The following NRXN3 variants were observed in gnomAD, a reference collection of about 807,000 sequenced individuals.
NRXN3 encodes the protein neurexin 3.
NRXN3 carries 32 observed loss-of-function variants against 137.6 expected under a neutral mutation model. That is an observed-to-expected ratio of 0.23 (90% CI 0.18 to 0.31). The LOEUF is 0.31. NRXN3 is among the 10% of genes least tolerant of loss of function. The probability of loss-of-function intolerance (pLI) is 1.00; values close to 1 mark genes in which losing one functional copy is unlikely to be tolerated. For synonymous variants in NRXN3, 798 were observed against 784.5 expected (o/e 1.02, Z -0.29); for missense variants, 1,574 against 2,062.5 (o/e 0.76, Z 4.59).
At chr14:79,084,305 G>T (rs373978195) in intron 15 of NRXN3, among the ~76,000 whole-genome samples, 2 of 152,026 alleles carry the variant, frequency 1.3e-5, no homozygotes, top group African/African-American at 4.8e-5. Context: ...AAAATTCATA[G>T]AACTATACAC....
chr14:78,297,668 G>A (rs2076481369), intron 3 of NRXN3, among the ~76,000 whole-genome samples, 163 bp from the exon 4 acceptor site: 1 of 152,216 alleles, frequency 6.6e-6, no homozygotes, highest in Non-Finnish European at 1.5e-5. Flanking sequence ...CAGGGTATGT[G>A]CATGTGGAGT....
intron 19 of NRXN3, among the ~76,000 whole-genome samples, chr14:79,721,854 C>T (rs573200852): frequency 6.6e-6 from 1 of 152,174 alleles, no homozygotes; most frequent in East Asian, 1.9e-4. Context: ...AGCATGAAGT[C>T]TCTAATAGTT....
chr14:79,630,988 T>C (rs1274441067), intron 16 of NRXN3, among the ~76,000 whole-genome samples: 1 of 152,228 alleles, frequency 6.6e-6, no homozygotes, highest in Non-Finnish European at 1.5e-5. Context: ...GGTAGAAGTT[T>C]TTTTTACAGC....
chr14:78,412,458 G>A (rs182392526), intron 4 of NRXN3, among the ~76,000 whole-genome samples: 51 of 152,252 alleles, frequency 3.3e-4, no homozygotes, highest in Middle Eastern at 3.4e-3. Flanking sequence ...TGATTGATAC[G>A]CACATTGTTT....
At position 79,531,840 on chromosome 14, in the gene NRXN3, C is replaced by G. The variant is rs374250436; in HGVS notation, c.3444+64438C>G. On this transcript the variant is annotated intron_variant, in intron 16 of 20. Coordinates refer to ENST00000335750, the MANE Select transcript of NRXN3 (RefSeq NM_001330195.2). ...CTCTGTTGGCTTGAGATTTAATTTG[C>G]TAAGAGAAAAGCAACTGAAGTTACT... 5.9e-5 allele frequency among the ~76,000 whole-genome samples: 9 copies of G among 152,148 alleles called. 1 individual carries two copies. In the East Asian group the frequency reaches 9.6e-4, roughly 16 times the overall value.
intron 4 of NRXN3, among the ~76,000 whole-genome samples, chr14:78,449,066 T>A (rs2094490674): frequency 6.6e-6 from 1 of 152,196 alleles, no homozygotes; most frequent in Admixed American, 6.5e-5. Flanking sequence ...AACAAATTAC[T>A]TTTTAGTACA....
At chr14:78,993,772 G>A (rs1251407153) in intron 15 of NRXN3, among the ~76,000 whole-genome samples, 2 of 151,260 alleles carry the variant, frequency 1.3e-5, no homozygotes, top group East Asian at 3.9e-4. Context: ...CTGTCCCCAG[G>A]GTTGAGACTC....
intron 2 of NRXN3, among the ~76,000 whole-genome samples, chr14:78,273,200 G>A (rs925599580): frequency 6.6e-6 from 1 of 152,162 alleles, no homozygotes; most frequent in African/African-American, 2.4e-5. Flanking sequence ...GACAGAAAGG[G>A]GAATCCACAG....
intron 16 of NRXN3, among the ~76,000 whole-genome samples, chr14:79,536,558 C>T (rs555667039): frequency 6.6e-6 from 1 of 151,956 alleles, no homozygotes; most frequent in South Asian, 2.1e-4. Flanking sequence ...ATCAACCCAT[C>T]ACCTAAGTAT....
intron 3 of NRXN3, among the ~76,000 whole-genome samples, chr14:78,287,422 A>G (rs975038931): frequency 1.3e-5 from 2 of 152,212 alleles, no homozygotes; most frequent in Non-Finnish European, 2.9e-5. Context: ...TTATCCATGC[A>G]TGTATCCCCA....
intron 20 of NRXN3, among the ~76,000 whole-genome samples, chr14:79,816,864 T>A (rs1233532827): frequency 6.6e-6 from 1 of 152,204 alleles, no homozygotes; most frequent in African/African-American, 2.4e-5. Context: ...AGAAAGCAAC[T>A]GCAGTTTTTA....
At chr14:79,776,791 A>G (rs996586419) in intron 19 of NRXN3, among the ~76,000 whole-genome samples, 3 of 152,144 alleles carry the variant, frequency 2.0e-5, no homozygotes, top group African/African-American at 7.2e-5. Flanking sequence ...TTCCCAATGT[A>G]CTGGGGAGCC....
At chr14:79,048,841 G>T (rs1225439845) in intron 15 of NRXN3, among the ~76,000 whole-genome samples, 2 of 148,712 alleles carry the variant, frequency 1.3e-5, no homozygotes, top group African/African-American at 5.0e-5. Flanking sequence ...TGGCTAACAC[G>T]GTGAAACCCC....
intron 16 of NRXN3, among the ~76,000 whole-genome samples, chr14:79,631,329 G>A (rs1033539699): frequency 3.3e-5 from 5 of 152,266 alleles, no homozygotes; most frequent in African/African-American, 9.6e-5. Flanking sequence ...CGCTCTTGGC[G>A]CCTCCTCGGC....
At chr14:79,670,384 G>A (rs369697771) in intron 17 of NRXN3, among the ~76,000 whole-genome samples, 1 of 152,030 alleles carries the variant, frequency 6.6e-6, no homozygotes, top group Admixed American at 6.6e-5. Context: ...CTTTCTAGGT[G>A]TAACCAAGGG....
At chr14:78,661,844 A>G (rs1261959266) in intron 6 of NRXN3, among the ~76,000 whole-genome samples, 1 of 151,878 alleles carries the variant, frequency 6.6e-6, no homozygotes, top group East Asian at 1.9e-4. Flanking sequence ...AATAGCTGAC[A>G]TGTAGAAAAT....
At chr14:78,291,910 C>G (rs1325492976) in intron 3 of NRXN3, among the ~76,000 whole-genome samples, 4 of 152,088 alleles carry the variant, frequency 2.6e-5, no homozygotes, top group Admixed American at 2.6e-4. Flanking sequence ...TTTTCTGAAT[C>G]TTTTTCTTTT....
chr14:78,958,616 A>G (rs1321761143), intron 11 of NRXN3, among the ~76,000 whole-genome samples: 1 of 152,078 alleles, frequency 6.6e-6, no homozygotes, highest in African/African-American at 2.4e-5. Flanking sequence ...CGGCCTCCCA[A>G]AGTGCTGGGA....
At chr14:78,641,607 T>C (rs2097633174) in intron 4 of NRXN3, among the ~76,000 whole-genome samples, 2 of 152,252 alleles carry the variant, frequency 1.3e-5, no homozygotes, top group Non-Finnish European at 2.9e-5. Flanking sequence ...AAGCTTTCAG[T>C]TGTCTATTGT....
Sources: allele counts gnomAD v4.1 joint callset (sites outside exome capture counted in the v4.1 genomes callset), GRCh38; gene constraint gnomAD v4.1.1; transcripts MANE v1.5; gene names NCBI Gene and HGNC (gene_info 2026-07-23, HGNC 2026-07-21).